CRPPA: variants seen among roughly 807,000 people sequenced by gnomAD.
The protein encoded by CRPPA is D-ribitol-5-phosphate cytidylyltransferase.
CRPPA carries 43 observed loss-of-function variants against 52.0 expected under a neutral mutation model. The observed-to-expected ratio is 0.83, with a 90% CI of 0.65 to 1.07. CRPPA has a LOEUF of 1.07. CRPPA is among the 50% of genes least tolerant of loss of function. The pLI, the probability that CRPPA is intolerant of heterozygous loss-of-function variation, is 0.00. For missense variants in CRPPA, 629 were observed against 551.7 expected (o/e 1.14, Z -1.40); for synonymous variants, 250 against 203.5 (o/e 1.23, Z -1.94).
intron 3 of CRPPA, among the ~76,000 whole-genome samples, chr7:16,348,442 G>A (rs961729670): frequency 1.3e-5 from 2 of 152,138 alleles, no homozygotes; most frequent in African/African-American, 4.8e-5. Flanking sequence ...CCTGGAAGAG[G>A]TTTACACACA....
In CRPPA at chr7:16,176,705, T is replaced by G. The variant is rs187096009; in HGVS notation, c.1251+39361A>C. Reference sequence around the variant, plus strand: ...AGTCCTCTCACCTCAGCCTCCGCAGTAGCTGGGACTATAGGCATGCACCAC... The same window carrying G: ...AGTCCTCTCACCTCAGCCTCCGCAGGAGCTGGGACTATAGGCATGCACCAC... On this transcript the variant is annotated intron_variant, in intron 9 of 9. Coordinates refer to ENST00000407010, the MANE Select transcript of CRPPA (RefSeq NM_001101426.4). Among the ~76,000 whole-genome samples, 12 of 152,146 alleles carry G rather than the reference T, an allele frequency of 7.9e-5. No individual in the cohort carries two copies. In the East Asian group the frequency reaches 1.7e-3, roughly 22 times the overall value.
intron 9 of CRPPA, among the ~76,000 whole-genome samples, chr7:16,142,643 T>C (rs570474116): frequency 6.6e-6 from 1 of 152,326 alleles, no homozygotes; most frequent in Middle Eastern, 3.4e-3. Flanking sequence ...TTAAATTCAT[T>C]TGGACACTTT....
At chr7:16,178,672 A>G (rs1397649315) in intron 9 of CRPPA, among the ~76,000 whole-genome samples, 1 of 152,092 alleles carries the variant, frequency 6.6e-6, no homozygotes, top group Admixed American at 6.6e-5. Context: ...ACTTATTTTT[A>G]TATCATTATA....
intron 3 of CRPPA, among the ~76,000 whole-genome samples, chr7:16,359,944 G>A (rs1786398335): frequency 6.6e-6 from 1 of 152,116 alleles, no homozygotes. Context: ...CCACAGGAAG[G>A]AAGTAACAAC....
chr7:16,406,485 G>A, intron 1 of CRPPA, 148 bp from the exon 2 acceptor site: 3 of 653,548 alleles, frequency 4.6e-6, no homozygotes, highest in Non-Finnish European at 7.8e-6. Context: ...TTCTCGTTAG[G>A]TCCAGTAAAG....
chr7:16,346,609 A>G (rs1458364412), intron 3 of CRPPA, among the ~76,000 whole-genome samples: 2 of 152,152 alleles, frequency 1.3e-5, no homozygotes, highest in African/African-American at 4.8e-5. Flanking sequence ...ATTATTTGTC[A>G]TAATTTTTTT....
chr7:16,280,591 T>C (rs960665938), intron 5 of CRPPA, among the ~76,000 whole-genome samples: 16 of 152,344 alleles, frequency 1.1e-4, no homozygotes, highest in African/African-American at 3.4e-4. Context: ...ACAGCATATG[T>C]AGGTTTTCCT....
intron 9 of CRPPA, among the ~76,000 whole-genome samples, chr7:16,165,526 G>C (rs547831207): frequency 1.3e-5 from 2 of 152,164 alleles, no homozygotes; most frequent in Admixed American, 6.5e-5. Context: ...AATAATATAA[G>C]ACCATATATG....
intron 9 of CRPPA, among the ~76,000 whole-genome samples, chr7:16,158,321 C>T (rs1302389313): frequency 3.3e-5 from 5 of 151,946 alleles, no homozygotes; most frequent in African/African-American, 1.2e-4. Context: ...TATACATTTC[C>T]CCTTCTGAAT....
chr7:16,163,494 T>C (rs1427602651), intron 9 of CRPPA, among the ~76,000 whole-genome samples: 1 of 152,196 alleles, frequency 6.6e-6, no homozygotes, highest in Non-Finnish European at 1.5e-5. Context: ...GTCTTTTAAT[T>C]CAGGCATTAA....
chr7:16,415,466 T>C (rs1485187709), intron 1 of CRPPA, among the ~76,000 whole-genome samples: 1 of 152,194 alleles, frequency 6.6e-6, no homozygotes, highest in Admixed American at 6.5e-5. Context: ...TAAGCCTCAG[T>C]ATCTGTTAAA....
At chr7:16,390,537 T>C (rs1450835335) in intron 2 of CRPPA, among the ~76,000 whole-genome samples, 1 of 152,186 alleles carries the variant, frequency 6.6e-6, no homozygotes, top group Non-Finnish European at 1.5e-5. Context: ...GAAATCATTC[T>C]CAACCACACC....
intron 9 of CRPPA, among the ~76,000 whole-genome samples, chr7:16,105,675 C>A (rs1322189054): frequency 6.6e-6 from 1 of 152,094 alleles, no homozygotes; most frequent in East Asian, 1.9e-4. Context: ...CAAAGCTGAG[C>A]TGGTTGCCTT....
At chr7:16,232,698 CA>C (rs141668095) in intron 8 of CRPPA, among the ~76,000 whole-genome samples, 165 of 151,952 alleles carry the variant, frequency 1.1e-3, no homozygotes, top group African/African-American at 3.6e-3. Context: ...GCTGAAAGAT[CA>C]AAAAAACAAG....
At chr7:16,300,923 C>T (rs544379686) in intron 5 of CRPPA, among the ~76,000 whole-genome samples, 1 of 152,184 alleles carries the variant, frequency 6.6e-6, no homozygotes, top group Non-Finnish European at 1.5e-5. Flanking sequence ...AGTTATCACA[C>T]ATATGATATC....
At chr7:16,164,005 A>G (rs1351672097) in intron 9 of CRPPA, among the ~76,000 whole-genome samples, 1 of 151,888 alleles carries the variant, frequency 6.6e-6, no homozygotes, top group Non-Finnish European at 1.5e-5. Flanking sequence ...TTGCTCTTCT[A>G]GAGTATCTTT....
intron 3 of CRPPA, among the ~76,000 whole-genome samples, chr7:16,363,923 A>G (rs926133065): frequency 6.6e-6 from 1 of 152,214 alleles, no homozygotes; most frequent in Non-Finnish European, 1.5e-5. Context: ...AATGTCAGTT[A>G]GAAAACATGA....
At chr7:16,275,852 A>G (rs1184771816) in intron 6 of CRPPA, among the ~76,000 whole-genome samples, 1 of 151,914 alleles carries the variant, frequency 6.6e-6, no homozygotes, top group African/African-American at 2.4e-5. Flanking sequence ...ATATATATAT[A>G]TGAATGACAG....
At chr7:16,287,561 G>A (rs564048185) in intron 5 of CRPPA, among the ~76,000 whole-genome samples, 1 of 152,196 alleles carries the variant, frequency 6.6e-6, no homozygotes, top group Non-Finnish European at 1.5e-5. Flanking sequence ...TTGGAGATAT[G>A]GTCTTTAGGG....
Sources: gnomAD v4.1 joint callset for allele counts (sites outside exome capture counted in the v4.1 genomes callset) on GRCh38, gnomAD v4.1.1 for gene constraint, MANE v1.5 for transcripts, NCBI Gene and HGNC (gene_info 2026-07-23, HGNC 2026-07-21) for gene names.